Variants in CTNNB1 observed in about 807,000 individuals in gnomAD.
CTNNB1 encodes catenin beta 1.
In CTNNB1, 6 loss-of-function variants were observed where a neutral mutation model predicts 82.5. The ratio of observed to expected loss-of-function variants is 0.07; its 90% confidence interval spans 0.04 to 0.14. The LOEUF is 0.14. Ranked by LOEUF, CTNNB1 falls within the 10% of genes least tolerant of loss-of-function variation. The probability of loss-of-function intolerance (pLI) is 1.00; values close to 1 mark genes in which losing one functional copy is unlikely to be tolerated. For missense variants in CTNNB1, 529 were observed against 980.4 expected, an observed-to-expected ratio of 0.54 and a Z score of 6.15; for synonymous variants, 312 against 329.7, an observed-to-expected ratio of 0.95 and a Z score of 0.58.
At position 41,240,185 on chromosome 3, in the gene CTNNB1, C is replaced by T. The variant is rs1559480867; in HGVS notation, c.*843C>T. ...GTGTAGCCTTTTTGTATAAAATAGA[C>T]AAATAGAAAATGGTCCAATTAGTTT... On this transcript the variant is annotated 3_prime_UTR_variant, in exon 15 of 15. Coordinates refer to ENST00000349496, the MANE Select transcript of CTNNB1 (RefSeq NM_001904.4). 5.0e-6 allele frequency: 1 copy of T among 201,976 alleles called. No individual in the cohort carries two copies. Among genetic ancestry groups the T allele is most frequent in the Admixed American group, 6.0e-5 (1 of 16,658 alleles). The allele number at this position is 201,976 out of a possible 1,614,324, so 12.5% of individuals were successfully genotyped here.
intron 7 of CTNNB1, among the ~76,000 whole-genome samples, chr3:41,229,637 A>G (rs779139237): frequency 6.6e-5 from 10 of 152,254 alleles, no homozygotes; most frequent in South Asian, 2.1e-4. Flanking sequence ...GTATAGAATC[A>G]TATTGTTTGC....
chr3:41,215,196 T>TCA (rs1242848131), intron 1 of CTNNB1, among the ~76,000 whole-genome samples: 1 of 119,408 alleles, frequency 8.4e-6, no homozygotes. Context: ...GCCAAGATGG[T>TCA]GAAACCCTGT....
chr3:41,200,499 C>A (rs1171164324), intron 1 of CTNNB1: 2 of 152,156 alleles, frequency 1.3e-5, no homozygotes, highest in African/African-American at 4.8e-5. Flanking sequence ...CTGTTTCTTA[C>A]CAAGTGAACT....
intron 1 of CTNNB1, among the ~76,000 whole-genome samples, chr3:41,203,766 A>G (rs553028279): frequency 6.6e-6 from 1 of 152,240 alleles, no homozygotes; most frequent in South Asian, 2.1e-4. Context: ...AGCTTTCTCT[A>G]GGCTCCTATG....
chr3:41,231,269 G>T (rs2078300511), intron 7 of CTNNB1, among the ~76,000 whole-genome samples: 1 of 151,770 alleles, frequency 6.6e-6, no homozygotes, highest in Non-Finnish European at 1.5e-5. Context: ...GGAGCTTGCA[G>T]TGAGCTGAGA....
chr3:41,226,523 C>T lies in CTNNB1; in HGVS notation c.936+662C>T, dbSNP rs75606996. Among the ~76,000 whole-genome samples the T allele has an allele frequency of 3.3e-5, 5 of 151,944 alleles. No homozygotes were observed. In the East Asian group the frequency reaches 7.7e-4, roughly 24 times the overall value. The stretch of plus-strand genomic sequence containing the variant: ...AGGTGAGAAAACAACATCTTTGAAA[C>T]GAAGGAAGGAGATGGAAAGTTTTGG... On this transcript the variant is annotated intron_variant, in intron 6 of 14. Coordinates refer to ENST00000349496, the MANE Select transcript of CTNNB1 (RefSeq NM_001904.4).
chr3:41,230,272 G>A (rs2078278159), intron 7 of CTNNB1, among the ~76,000 whole-genome samples: 2 of 152,136 alleles, frequency 1.3e-5, no homozygotes, highest in Admixed American at 1.3e-4. Flanking sequence ...TGTAATGTAG[G>A]CTAAAAATAC....
At chr3:41,230,786 A>G (rs1211124619) in intron 7 of CTNNB1, among the ~76,000 whole-genome samples, 1 of 152,142 alleles carries the variant, frequency 6.6e-6, no homozygotes, top group Non-Finnish European at 1.5e-5. Context: ...GAAAAGGAAC[A>G]CCATGTGCTA....
At chr3:41,230,622 C>T (rs1175665897) in intron 7 of CTNNB1, among the ~76,000 whole-genome samples, 1 of 152,014 alleles carries the variant, frequency 6.6e-6, no homozygotes, top group Non-Finnish European at 1.5e-5. Context: ...GGAGAAATGA[C>T]AGCAAATAGT....
chr3:41,216,103 G>A (rs959304767), intron 1 of CTNNB1, among the ~76,000 whole-genome samples: 1 of 152,108 alleles, frequency 6.6e-6, no homozygotes, highest in African/African-American at 2.4e-5. Flanking sequence ...TAACTGAACG[G>A]TTTATTAGCT....
At chr3:41,236,221 A>G in intron 11 of CTNNB1, 128 bp from the exon 12 acceptor site, 1 of 1,127,650 alleles carries the variant, frequency 8.9e-7, no homozygotes, top group Non-Finnish European at 1.3e-6. Context: ...CATAAAATTC[A>G]GAGAATATTA....
chr3:41,236,033 A>C, intron 11 of CTNNB1, 190 bp downstream of exon 11: 1 of 771,430 alleles, frequency 1.3e-6, no homozygotes, highest in Non-Finnish European at 2.1e-6. Context: ...TTCACATTTC[A>C]CTTTTATGGG....
intron 6 of CTNNB1, among the ~76,000 whole-genome samples, chr3:41,226,729 A>C (rs2078184853): frequency 6.6e-6 from 1 of 152,140 alleles, no homozygotes; most frequent in African/African-American, 2.4e-5. Flanking sequence ...GAAAGGGAAG[A>C]TATACAGGGA....
At chr3:41,234,920 G>A (rs1575331739) in intron 10 of CTNNB1, 1 of 158,256 alleles carries the variant, frequency 6.3e-6, no homozygotes, top group South Asian at 1.8e-4. Flanking sequence ...GAGCCTACCA[G>A]AACAGATGTT....
intron 14 of CTNNB1, 144 bp from the exon 15 acceptor site, chr3:41,238,990 A>G (rs2078507339): frequency 1.4e-6 from 1 of 733,028 alleles, no homozygotes; most frequent in Non-Finnish European, 2.4e-6. Flanking sequence ...CTGGAGGTTG[A>G]AGAGGCTAGA....
intron 1 of CTNNB1, among the ~76,000 whole-genome samples, chr3:41,223,775 ATATT>A (rs1193310649): frequency 1.3e-5 from 2 of 152,142 alleles, no homozygotes; most frequent in African/African-American, 4.8e-5. Context: ...TCTATAATTA[ATATT>A]TATACTATTA....
rs2078362215 is a variant in CTNNB1 at position 41,233,630 on chromosome 3, C to T, written c.1287C>T (p.Cys429=). 1.9e-6 allele frequency: 3 copies of T among 1,614,108 alleles called. No individual in the cohort carries two copies. Among genetic ancestry groups the T allele is most frequent in the Non-Finnish European group, 2.5e-6 (3 of 1,180,024 alleles). Residue 429 remains cysteine, a synonymous_variant, in exon 9 of 15, where the codon TGC becomes TGT. Coordinates refer to ENST00000349496, the MANE Select transcript of CTNNB1 (RefSeq NM_001904.4). ...CAAGILSNLT[C]NNYKNKMMVC... ...CTGGAATTCTTTCTAACCTCACTTG[C>T]AATAATTATAAGAACAAGATGATGG...
At chr3:41,237,876 C>G (rs1216598165) in intron 13 of CTNNB1, 140 bp from the exon 14 acceptor site, 2 of 736,412 alleles carry the variant, frequency 2.7e-6, no homozygotes, top group East Asian at 5.0e-5. Flanking sequence ...TGAAGAACTT[C>G]CATTTTCTAA....
intron 7 of CTNNB1, among the ~76,000 whole-genome samples, chr3:41,232,245 G>C (rs1024521367): frequency 4.6e-5 from 7 of 152,122 alleles, no homozygotes; most frequent in Non-Finnish European, 8.8e-5. Flanking sequence ...AGAGTTAATA[G>C]TTATGTAAAG....
Sources: gnomAD v4.1 joint callset for allele counts (sites outside exome capture counted in the v4.1 genomes callset) on GRCh38, gnomAD v4.1.1 for gene constraint, MANE v1.5 for transcripts, NCBI Gene and HGNC (gene_info 2026-07-23, HGNC 2026-07-21) for gene names.